Variants in SPNS3 observed in about 807,000 individuals in gnomAD.
SPNS3 encodes SPNS lysolipid transporter 3, sphingosine-1-phosphate (putative).
In SPNS3, 51 loss-of-function variants were observed where a neutral mutation model predicts 54.4. The observed-to-expected ratio is 0.94, with a 90% CI of 0.75 to 1.18. The LOEUF is 1.18. SPNS3 is among the 50% of genes most tolerant of loss of function. The probability of loss-of-function intolerance (pLI) is 0.00; values close to 1 mark genes in which losing one functional copy is unlikely to be tolerated. For synonymous variants in SPNS3, 309 were observed against 294.7 expected (o/e 1.05, Z -0.50); for missense variants, 669 against 677.4 (o/e 0.99, Z 0.14).
chr17:4,455,471 G>C (rs965299744), intron 8 of SPNS3, among the ~76,000 whole-genome samples: 1 of 152,224 alleles, frequency 6.6e-6, no homozygotes, highest in Admixed American at 6.5e-5. Context: ...GGTGTGGGGG[G>C]TACTTTGTGG....
intron 8 of SPNS3, among the ~76,000 whole-genome samples, chr17:4,474,578 C>A (rs982356234): frequency 6.6e-6 from 1 of 152,252 alleles, no homozygotes; most frequent in Admixed American, 6.5e-5. Flanking sequence ...CCCACAGGGG[C>A]TGACCCTTTC....
At chr17:4,450,354 C>CCCCTTCTCT (rs1971128874) in intron 7 of SPNS3, among the ~76,000 whole-genome samples, 112 of 122,306 alleles carry the variant, frequency 9.2e-4, no homozygotes, top group African/African-American at 3.4e-3. Context: ...CCTCTCCCCT[C>CCCCTTCTCT]CTCTCTCTCT....
intron 9 of SPNS3, among the ~76,000 whole-genome samples, chr17:4,485,407 T>TA (rs1972285416): frequency 6.6e-6 from 1 of 151,846 alleles, no homozygotes. Flanking sequence ...TTTATTTTTT[T>TA]TTTTTTTGAG....
At chr17:4,459,191 TTC>T (rs1971427047) in intron 8 of SPNS3, among the ~76,000 whole-genome samples, 2 of 152,194 alleles carry the variant, frequency 1.3e-5, no homozygotes, top group South Asian at 4.2e-4. Context: ...GTTACGTACG[TTC>T]TGACTCCTCT....
Position 4,486,165 on chromosome 17 carries a change from G to A in SPNS3, c.1180-63G>A. 7.0e-7 allele frequency: 1 copy of A among 1,421,984 alleles called. No homozygotes were observed. The allele number at this position is 1,421,984 out of a possible 1,614,324, so 88.1% of individuals were successfully genotyped here. ...TCCTCCAGGCAGGTCCTTGGCAGGT[G>A]GGGAACAGCAGGCAAGGGTGCCCTC... On this transcript the variant is annotated intron_variant, in intron 9 of 11. Transcript: ENST00000355530. The surrounding 1 kb of genome is among the most constrained non-coding windows in gnomAD (Gnocchi z 5.5).
intron 8 of SPNS3, among the ~76,000 whole-genome samples, chr17:4,457,856 G>T (rs899277204): frequency 1.3e-5 from 2 of 152,164 alleles, no homozygotes; most frequent in Non-Finnish European, 2.9e-5. Flanking sequence ...TCTTCTTTAG[G>T]CCTGCCCTGG....
intron 8 of SPNS3, among the ~76,000 whole-genome samples, chr17:4,457,974 C>T (rs549283135): frequency 2.6e-5 from 4 of 152,250 alleles, no homozygotes; most frequent in African/African-American, 7.2e-5. Context: ...TGAGCCTCTG[C>T]GGCCAGAACT....
chr17:4,477,002 G>T (rs1156570785), intron 8 of SPNS3, among the ~76,000 whole-genome samples: 1 of 152,162 alleles, frequency 6.6e-6, no homozygotes, highest in Non-Finnish European at 1.5e-5. Context: ...GTCCTTCAGG[G>T]CTCTCCCTGG....
At chr17:4,456,676 C>A (rs1483619269) in intron 8 of SPNS3, among the ~76,000 whole-genome samples, 2 of 151,890 alleles carry the variant, frequency 1.3e-5, no homozygotes, top group Admixed American at 6.6e-5. Flanking sequence ...TAGGGGCATG[C>A]CACTAATTGT....
intron 8 of SPNS3, among the ~76,000 whole-genome samples, chr17:4,478,265 C>A (rs1328823536): frequency 6.6e-6 from 1 of 152,080 alleles, no homozygotes; most frequent in Non-Finnish European, 1.5e-5. Context: ...AGCCACCGTG[C>A]CTGGCTTAAA....
intron 1 of SPNS3, among the ~76,000 whole-genome samples, chr17:4,437,074 G>A (rs764040374): frequency 1.3e-5 from 2 of 152,218 alleles, no homozygotes; most frequent in Non-Finnish European, 2.9e-5. Flanking sequence ...TTACTGTGGG[G>A]ATAGAGACCT....
chr17:4,472,620 C>T (rs1971884200), intron 8 of SPNS3, among the ~76,000 whole-genome samples: 1 of 152,094 alleles, frequency 6.6e-6, no homozygotes, highest in Admixed American at 6.6e-5. Flanking sequence ...TTTTTCCTCT[C>T]CCCAGCAGCT....
At chr17:4,448,091 C>G (rs780314190) in intron 5 of SPNS3, 64 bp from the exon 6 acceptor site, 14 of 1,464,314 alleles carry the variant, frequency 9.6e-6, no homozygotes, top group Non-Finnish European at 1.2e-5. Context: ...GCCAGTTGCC[C>G]CCGGGGGTCC....
At chr17:4,458,076 G>A (rs755663378) in intron 8 of SPNS3, among the ~76,000 whole-genome samples, 1 of 151,844 alleles carries the variant, frequency 6.6e-6, no homozygotes, top group Non-Finnish European at 1.5e-5. Context: ...TGAGATTCAG[G>A]CTCCAGTTCT....
intron 5 of SPNS3, 50 bp downstream of exon 5, chr17:4,447,012 G>C: frequency 6.2e-7 from 1 of 1,604,896 alleles, no homozygotes; most frequent in African/African-American, 1.3e-5. Flanking sequence ...GGACCGGCAG[G>C]GACTTTCCAG....
chr17:4,445,143 T>G lies in SPNS3; in HGVS notation c.377T>G (p.Leu126Arg), dbSNP rs557483124. The change falls in exon 3 of 12, where the codon CTC (leucine) becomes CGC (arginine). Residue 126 changes from leucine to arginine, a missense_variant. Leu to Arg is a moderately radical substitution (Grantham distance 102, BLOSUM62 -2). Coordinates refer to ENST00000355530, the MANE Select transcript of SPNS3 (RefSeq NM_182538.5). ...FGILLWSGAG[L>R]SSSFISPRYS... The stretch of plus-strand genomic sequence containing the variant: ...ATCTTGCTGTGGTCAGGAGCTGGCC[T>G]CTCTAGCTCCTTCATCTCCCCCCGG... 6.2e-7 allele frequency: 1 copy of G among 1,613,708 alleles called. No homozygotes were observed. Among genetic ancestry groups the G allele is most frequent in the Non-Finnish European group, 8.5e-7 (1 of 1,179,688 alleles).
At chr17:4,446,806 T>G in intron 4 of SPNS3, 90 bp from the exon 5 acceptor site, 1 of 1,228,460 alleles carries the variant, frequency 8.1e-7, no homozygotes, top group Non-Finnish European at 1.2e-6. Context: ...CCCTGGGGCG[T>G]GGGGGGGGCA....
intron 8 of SPNS3, among the ~76,000 whole-genome samples, chr17:4,454,765 C>T (rs919831730): frequency 4.6e-5 from 7 of 151,142 alleles, no homozygotes; most frequent in Non-Finnish European, 1.0e-4. Context: ...GGATTACAGG[C>T]ACACACCACC....
intron 8 of SPNS3, among the ~76,000 whole-genome samples, chr17:4,476,213 C>A (rs1567573891): frequency 6.6e-6 from 1 of 152,224 alleles, no homozygotes; most frequent in African/African-American, 2.4e-5. Flanking sequence ...CCCCTCAAAG[C>A]TGCCAAGTGG....
Sources: allele counts gnomAD v4.1 joint callset (sites outside exome capture counted in the v4.1 genomes callset), GRCh38; gene constraint gnomAD v4.1.1; non-coding constraint Gnocchi (gnomAD v3.1); transcripts MANE v1.5; gene names NCBI Gene and HGNC (gene_info 2026-07-23, HGNC 2026-07-21).